The following ALK variants were observed in gnomAD, a reference collection of about 807,000 sequenced individuals.
ALK encodes the protein ALK receptor tyrosine kinase.
In ALK, 74 loss-of-function variants were observed where a neutral mutation model predicts 163.1. The observed-to-expected ratio is 0.45, with a 90% CI of 0.38 to 0.55. The LOEUF is 0.55. Ranked by LOEUF, ALK falls within the 20% of genes least tolerant of loss-of-function variation. ALK has a pLI of 0.00. For synonymous variants in ALK, 960 were observed against 843.2 expected (o/e 1.14, Z -2.40); for missense variants, 2,063 against 2,105.3 (o/e 0.98, Z 0.39).
chr2:29,207,945 C>T, intron 25 of ALK: 27 of 415,738 alleles, frequency 6.5e-5, no homozygotes, highest in South Asian at 4.3e-4. Flanking sequence ...CTGGTGTTCT[C>T]CTGTGTGAGT....
chr2:29,332,646 T>C (rs1156342760), intron 5 of ALK, among the ~76,000 whole-genome samples: 1 of 152,242 alleles, frequency 6.6e-6, no homozygotes, highest in South Asian at 2.1e-4. Flanking sequence ...GTCATACATA[T>C]AGGCCTTAAA....
chr2:29,575,676 A>G (rs966180805), intron 3 of ALK, among the ~76,000 whole-genome samples: 36 of 152,204 alleles, frequency 2.4e-4, no homozygotes, highest in African/African-American at 8.4e-4. Flanking sequence ...GTGCAGGGTA[A>G]TTCAGCGCCT....
chr2:29,790,732 C>T (rs1182897728), intron 1 of ALK, among the ~76,000 whole-genome samples: 3 of 152,098 alleles, frequency 2.0e-5, no homozygotes, highest in Non-Finnish European at 4.4e-5. Context: ...TACAGGTGCC[C>T]ACCACTACAC....
rs182178062 is a variant in ALK, at chr2:29,377,721, G to A, written c.1282+6011C>T. Among the ~76,000 whole-genome samples, 69 of 152,222 alleles carry A rather than the reference G, an allele frequency of 4.5e-4. 1 individual carries two copies. The South Asian group carries it at 7.7e-3, about 17-fold the overall frequency. On this transcript the variant is annotated intron_variant, in intron 5 of 28. Coordinates refer to ENST00000389048, the MANE Select transcript of ALK (RefSeq NM_004304.5). ...GTTCAAACACCCTCATTTTAGCCCC[G>A]GAGAAGTTAAAAAATGGTATTTGTG...
chr2:29,220,569 A>AC, intron 23 of ALK, 137 bp downstream of exon 23: 6 of 1,213,318 alleles, frequency 4.9e-6, no homozygotes, highest in South Asian at 4.2e-5. Flanking sequence ...CCAGTCAGTC[A>AC]CCCCCCTGTC....
At chr2:29,257,244 A>G (rs1664972341) in intron 11 of ALK, among the ~76,000 whole-genome samples, 1 of 690 alleles carries the variant, frequency 1.4e-3, no homozygotes, top group Non-Finnish European at 2.7e-3. Context: ...TTATGAAAGA[A>G]AAAAAAAAAG....
chr2:29,456,687 T>C (rs1036199850), intron 4 of ALK, among the ~76,000 whole-genome samples: 31 of 152,192 alleles, frequency 2.0e-4, no homozygotes, highest in African/African-American at 5.5e-4. Context: ...AACTGTACCC[T>C]TAAAATGGTT....
At chr2:29,835,116 A>G (rs556135707) in intron 1 of ALK, among the ~76,000 whole-genome samples, 1 of 152,370 alleles carries the variant, frequency 6.6e-6, no homozygotes, top group South Asian at 2.1e-4. Context: ...CTTTTTGTGC[A>G]GCAAAAGGCT....
intron 4 of ALK, among the ~76,000 whole-genome samples, chr2:29,416,040 C>T (rs11674942): frequency 0.15 from 22,531 of 152,204 alleles, 2,011 homozygotes; most frequent in East Asian, 0.25. Flanking sequence ...CACCAGTTTT[C>T]CTGCTTCTCC....
chr2:29,289,449 C>A (rs954102580), intron 9 of ALK, among the ~76,000 whole-genome samples: 2 of 152,228 alleles, frequency 1.3e-5, no homozygotes, highest in Non-Finnish European at 2.9e-5. Context: ...CATTTTCTCC[C>A]AGTTCAAAGA....
At chr2:29,711,249 A>G (rs548141247) in intron 2 of ALK, among the ~76,000 whole-genome samples, 1 of 152,188 alleles carries the variant, frequency 6.6e-6, no homozygotes, top group South Asian at 2.1e-4. Context: ...ACAGAGCTTG[A>G]CCTGTTCCCA....
intron 4 of ALK, among the ~76,000 whole-genome samples, chr2:29,398,596 C>T (rs1168459913): frequency 1.3e-5 from 2 of 152,152 alleles, no homozygotes; most frequent in African/African-American, 4.8e-5. Flanking sequence ...AAACCCATGT[C>T]TTCACCCAGG....
chr2:29,442,205 G>T (rs1670563740), intron 4 of ALK, among the ~76,000 whole-genome samples: 1 of 152,096 alleles, frequency 6.6e-6, no homozygotes, highest in Admixed American at 6.6e-5. Context: ...TCTGTTGGGA[G>T]AATGCACTGA....
chr2:29,252,572 G>A (rs1299750005), intron 11 of ALK, among the ~76,000 whole-genome samples: 1 of 152,202 alleles, frequency 6.6e-6, no homozygotes, highest in Non-Finnish European at 1.5e-5. Context: ...AACTGGGCCA[G>A]TTGTCGTGGG....
chr2:29,406,898 C>CAAA (rs11397203), intron 4 of ALK, among the ~76,000 whole-genome samples: 52 of 133,464 alleles, frequency 3.9e-4, no homozygotes, highest in African/African-American at 1.1e-3. Flanking sequence ...GACTCCATCT[C>CAAA]AAAAAAAAAA....
chr2:29,786,947 C>G (rs906002207), intron 1 of ALK, among the ~76,000 whole-genome samples: 1 of 152,154 alleles, frequency 6.6e-6, no homozygotes, highest in African/African-American at 2.4e-5. Context: ...AGGCAACCAC[C>G]ACCACGCCTG....
chr2:29,275,183 T>C lies in ALK; in HGVS notation c.1957A>G (p.Arg653Gly). Reference sequence around the variant, plus strand: ...TTTGGGTTTCTCTCAAACAGGTTTCTTGATTTGGGTGCTGTATTCTGCAGG... The same window carrying C: ...TTTGGGTTTCTCTCAAACAGGTTTCCTGATTTGGGTGCTGTATTCTGCAGG... Reference protein sequence around the residue: ...KILQNTAPKSRNLFERNPNKE... With the variant: ...KILQNTAPKSGNLFERNPNKE... The change falls in exon 11 of 29, where the codon AGA becomes GGA. Residue 653 changes from arginine to glycine, a missense_variant. Physicochemically the swap from Arg to Gly is moderately radical, Grantham distance 125. Coordinates refer to ENST00000389048, the MANE Select transcript of ALK (RefSeq NM_004304.5). The C allele has an allele frequency of 6.2e-7, 1 of 1,614,184 alleles. No homozygotes were observed. The highest frequency in any genetic ancestry group is 8.5e-7 in the Non-Finnish European group (1 of 1,180,038).
At chr2:29,821,985 T>C (rs1295041821) in intron 1 of ALK, among the ~76,000 whole-genome samples, 1 of 152,184 alleles carries the variant, frequency 6.6e-6, no homozygotes, top group Non-Finnish European at 1.5e-5. Flanking sequence ...CAGGAAGCTC[T>C]CTCAGGCCCT....
At chr2:29,329,287 A>G (rs1467610950) in intron 5 of ALK, among the ~76,000 whole-genome samples, 1 of 152,230 alleles carries the variant, frequency 6.6e-6, no homozygotes, top group African/African-American at 2.4e-5. Context: ...ACATCTTTGC[A>G]GGCCCCAGAG....
Sources: gnomAD v4.1 joint callset for allele counts (sites outside exome capture counted in the v4.1 genomes callset) on GRCh38, gnomAD v4.1.1 for gene constraint, MANE v1.5 for transcripts, NCBI Gene and HGNC (gene_info 2026-07-23, HGNC 2026-07-21) for gene names.